KAZN: variants seen among roughly 807,000 people sequenced by gnomAD.
The protein encoded by KAZN is kazrin.
KAZN carries 40 observed loss-of-function variants against 87.4 expected under a neutral mutation model. The ratio of observed to expected loss-of-function variants is 0.46; its 90% confidence interval spans 0.36 to 0.60. The LOEUF (loss-of-function observed/expected upper bound fraction) is 0.60, where lower values mean the gene tolerates loss of function less well. Ranked by LOEUF, KAZN falls within the 20% of genes least tolerant of loss-of-function variation. KAZN has a pLI of 0.00. For synonymous variants in KAZN, 466 were observed against 458.3 expected, an observed-to-expected ratio of 1.02 and a Z score of -0.22; for missense variants, 898 against 1,073.9, an observed-to-expected ratio of 0.84 and a Z score of 2.29.
intron 2 of KAZN, among the ~76,000 whole-genome samples, chr1:14,418,038 A>AAAAAAAAC (rs1557705911): frequency 7.5e-6 from 1 of 133,322 alleles, no homozygotes; most frequent in Admixed American, 7.7e-5. Flanking sequence ...AAAAAAAAAA[A>AAAAAAAAC]AAAAAACCTA....
chr1:14,717,342 T>C (rs1358479762), intron 1 of KAZN, among the ~76,000 whole-genome samples: 1 of 152,032 alleles, frequency 6.6e-6, no homozygotes, highest in African/African-American at 2.4e-5. Flanking sequence ...GGATTCTGTA[T>C]TCTAGCTGGA....
At chr1:13,942,469 A>G (rs12084495) in intron 1 of KAZN, among the ~76,000 whole-genome samples, 15,585 of 136,748 alleles carry the variant, frequency 0.11, 933 homozygotes, top group Middle Eastern at 0.2. Context: ...GAACCCGGGA[A>G]GCGGAGCTTG....
At chr1:14,485,034 G>A (rs980449694) in intron 2 of KAZN, among the ~76,000 whole-genome samples, 2 of 152,100 alleles carry the variant, frequency 1.3e-5, no homozygotes, top group African/African-American at 4.8e-5. Flanking sequence ...ATTGCAAAGG[G>A]TTTAGATTCA....
intron 2 of KAZN, among the ~76,000 whole-genome samples, chr1:14,468,967 G>T (rs979162773): frequency 6.6e-5 from 10 of 152,136 alleles, no homozygotes; most frequent in Non-Finnish European, 1.2e-4. Flanking sequence ...GATGAATACT[G>T]GGATTGTTAC....
chr1:14,392,556 T>G (rs1356049536), intron 2 of KAZN, among the ~76,000 whole-genome samples: 7 of 152,150 alleles, frequency 4.6e-5, no homozygotes, highest in Non-Finnish European at 8.8e-5. Flanking sequence ...AGCTTCCATC[T>G]GGCCATGATT....
chr1:15,114,495 GGCTTCA>G lies in KAZN; in HGVS notation c.2191_2196del (p.Phe731_Ser732del). ...GCTGCCCCTGGGGAAGATAGGAAGG[GGCTTCA>G]GCAGCAAAGATCCCGATTTCCATGA... is the stretch of plus-strand genomic sequence containing the variant. On this transcript the variant is annotated inframe_deletion, in exon 15 of 15. Coordinates refer to ENST00000376030, the MANE Select transcript of KAZN (RefSeq NM_201628.3). The G allele has an allele frequency of 5.0e-6, 8 of 1,611,924 alleles. 1 individual carries two copies. The South Asian group carries it at 7.7e-5, about 16-fold the overall frequency.
intron 1 of KAZN, among the ~76,000 whole-genome samples, chr1:14,018,956 C>T (rs1448473941): frequency 1.3e-5 from 2 of 152,188 alleles, no homozygotes; most frequent in Non-Finnish European, 2.9e-5. Flanking sequence ...TCCATTATCA[C>T]ATGAGCCAAG....
At chr1:15,062,636 C>T (rs1347883770) in intron 6 of KAZN, 3 of 152,546 alleles carry the variant, frequency 2.0e-5, no homozygotes, top group Non-Finnish European at 4.4e-5. Flanking sequence ...GTTGACGGAC[C>T]TTGGCATTAT....
chr1:14,299,548 C>T (rs1343139989), intron 2 of KAZN, among the ~76,000 whole-genome samples: 1 of 152,142 alleles, frequency 6.6e-6, no homozygotes, highest in Non-Finnish European at 1.5e-5. Context: ...TGATAAAGCA[C>T]TGCATTTAAT....
intron 2 of KAZN, among the ~76,000 whole-genome samples, chr1:14,457,966 C>T (rs376756008): frequency 9.2e-5 from 14 of 151,750 alleles, no homozygotes; most frequent in East Asian, 3.9e-4. Context: ...TACAGGTGCC[C>T]GCCACCATGC....
At chr1:15,093,350 T>C (rs1199328983) in intron 8 of KAZN, among the ~76,000 whole-genome samples, 2 of 152,110 alleles carry the variant, frequency 1.3e-5, no homozygotes, top group African/African-American at 4.8e-5. Flanking sequence ...AGAAGAATGA[T>C]GAGACAGGTC....
At position 14,700,420 on chromosome 1, in the gene KAZN, G is replaced by A. The variant is rs377268077; in HGVS notation, c.226+101197G>A. 1.8e-4 allele frequency among the ~76,000 whole-genome samples: 27 copies of A among 151,634 alleles called. 1 individual carries two copies. The highest frequency in any genetic ancestry group is 9.7e-4 in the East Asian group (5 of 5,134). On this transcript the variant is annotated intron_variant, in intron 1 of 14. Transcript: ENST00000376030. ...CGGGAGGTGGAGGTTGCAGTGAGCC[G>A]AGATCACGCCACTGCACTCCAGCCT... is the stretch of plus-strand genomic sequence containing the variant.
At chr1:14,071,564 A>AC (rs59921870) in intron 1 of KAZN, among the ~76,000 whole-genome samples, 6,465 of 152,138 alleles carry the variant, frequency 0.042, 484 homozygotes, top group African/African-American at 0.15. Flanking sequence ...TCTGCATGGA[A>AC]CTCAGCATCC....
chr1:14,282,703 C>T (rs1393186370), intron 2 of KAZN, among the ~76,000 whole-genome samples: 2 of 152,168 alleles, frequency 1.3e-5, no homozygotes, highest in African/African-American at 4.8e-5. Flanking sequence ...AGAAGTCAGG[C>T]CAGCTTGCAG....
rs150599697 is a variant in KAZN at position 14,388,634 on chromosome 1, C to T, written c.249+208042C>T. Among the ~76,000 whole-genome samples, 443 of 152,230 alleles carry T rather than the reference C, an allele frequency of 2.9e-3. 1 individual carries two copies. Among genetic ancestry groups the T allele is most frequent in the African/African-American group, 9.7e-3 (402 of 41,550 alleles). On this transcript the variant is annotated intron_variant, in intron 2 of 16. Transcript: ENST00000636203. ...TCTTCAATAAATGATGCAGGGAAAA[C>T]TGGATATCCATATGCAGAAGAATGA... is the stretch of plus-strand genomic sequence containing the variant.
chr1:14,460,437 A>G (rs1422410793), intron 2 of KAZN, among the ~76,000 whole-genome samples: 3 of 152,060 alleles, frequency 2.0e-5, no homozygotes, highest in South Asian at 2.1e-4. Flanking sequence ...GGGGCTGTTC[A>G]CTCCCTGGGG....
intron 1 of KAZN, among the ~76,000 whole-genome samples, chr1:13,959,429 G>A (rs1433637745): frequency 2.0e-5 from 3 of 152,170 alleles, no homozygotes; most frequent in Non-Finnish European, 4.4e-5. Context: ...GGAATTAGCA[G>A]CCAGGATCCA....
chr1:14,616,880 G>A (rs1299761180), intron 1 of KAZN, among the ~76,000 whole-genome samples: 1 of 152,170 alleles, frequency 6.6e-6, no homozygotes, highest in East Asian at 1.9e-4. Flanking sequence ...ACAGTGGTGG[G>A]TGTCCATCAA....
intron 2 of KAZN, among the ~76,000 whole-genome samples, chr1:14,276,092 G>T (rs868019322): frequency 2.6e-5 from 4 of 152,004 alleles, no homozygotes; most frequent in Admixed American, 6.6e-5. Flanking sequence ...TCTTGTCATT[G>T]CTGCTAACGA....
Sources: allele counts gnomAD v4.1 joint callset (sites outside exome capture counted in the v4.1 genomes callset), GRCh38; gene constraint gnomAD v4.1.1; transcripts MANE v1.5; gene names NCBI Gene and HGNC (gene_info 2026-07-23, HGNC 2026-07-21).